The following LIN54 variants were observed in gnomAD, a reference collection of about 807,000 sequenced individuals.
LIN54 encodes lin-54 DREAM MuvB core complex component.
In LIN54, 9 loss-of-function variants were observed where a neutral mutation model predicts 78.7. The ratio of observed to expected loss-of-function variants is 0.11; its 90% confidence interval spans 0.07 to 0.20. LIN54 has a LOEUF of 0.20. Among genes scored for constraint, LIN54 ranks in the 10% least tolerant of loss-of-function variants. LIN54 has a pLI of 1.00. For synonymous variants in LIN54, 269 were observed against 318.4 expected, an observed-to-expected ratio of 0.84 and a Z score of 1.65; for missense variants, 573 against 889.9, an observed-to-expected ratio of 0.64 and a Z score of 4.53.
chr4:82,963,124 T>C (rs889086186), intron 4 of LIN54, among the ~76,000 whole-genome samples: 1 of 151,958 alleles, frequency 6.6e-6, no homozygotes, highest in African/African-American at 2.4e-5. Context: ...AGACATTATA[T>C]ACATAGAAAA....
chr4:82,972,349 T>C (rs1005038937), intron 3 of LIN54, among the ~76,000 whole-genome samples: 33 of 152,324 alleles, frequency 2.2e-4, no homozygotes, highest in Admixed American at 4.6e-4. Context: ...AATACAATTT[T>C]CAAAATTTCT....
At chr4:82,996,281 A>G (rs544742504) in intron 1 of LIN54, among the ~76,000 whole-genome samples, 16 of 152,212 alleles carry the variant, frequency 1.1e-4, no homozygotes, top group African/African-American at 3.8e-4. Flanking sequence ...AAGAAAAGAG[A>G]GGCTCTTCAT....
chr4:82,943,818 A>C (rs1008512331), intron 5 of LIN54, among the ~76,000 whole-genome samples: 4 of 151,948 alleles, frequency 2.6e-5, no homozygotes, highest in African/African-American at 9.7e-5. Flanking sequence ...GACAGGCAGA[A>C]AGACAGACAT....
At chr4:82,990,528 G>A (rs1249187329) in intron 1 of LIN54, among the ~76,000 whole-genome samples, 1 of 151,958 alleles carries the variant, frequency 6.6e-6, no homozygotes, top group Non-Finnish European at 1.5e-5. Context: ...CGGTCGCCCA[G>A]GTTGGAGTGC....
In LIN54 at chr4:82,999,777, C is replaced by CAAAAAAAA. The variant is rs1295987591; in HGVS notation, c.-33+10699_-33+10706dup. On this transcript the variant is annotated intron_variant, in intron 1 of 12. Coordinates refer to ENST00000340417, the MANE Select transcript of LIN54 (RefSeq NM_194282.4). Reference sequence around the variant, plus strand: ...TAGGTGACAGGGCGAGACTCTGTCTCAAAAAAAAAAAAAAAAAAGGCAAGA... The same window carrying CAAAAAAAA: ...TAGGTGACAGGGCGAGACTCTGTCTCAAAAAAAAAAAAAAAAAAAAAAAAAAGGCAAGA... Among the ~76,000 whole-genome samples the CAAAAAAAA allele has an allele frequency of 1.9e-3, 178 of 92,222 alleles. 3 individuals are homozygous for CAAAAAAAA. Among genetic ancestry groups the CAAAAAAAA allele is most frequent in the African/African-American group, 7.5e-3 (169 of 22,442 alleles). The allele number at this position is 92,222 out of a possible 152,430, so 60.5% of individuals were successfully genotyped here. A position where few individuals can be genotyped will look rare whatever the true frequency, so the allele number is the denominator to read the frequency against.
At chr4:83,003,883 G>A (rs149522124) in intron 1 of LIN54, among the ~76,000 whole-genome samples, 1 of 152,198 alleles carries the variant, frequency 6.6e-6, no homozygotes, top group Non-Finnish European at 1.5e-5. Context: ...TTTTTATAAA[G>A]TACATTCTGG....
At chr4:82,961,371 T>C (rs940964117) in intron 4 of LIN54, among the ~76,000 whole-genome samples, 3 of 152,080 alleles carry the variant, frequency 2.0e-5, no homozygotes, top group African/African-American at 7.2e-5. Context: ...ATCAGAGAAG[T>C]AAAAAATTTT....
At chr4:82,989,157 C>T (rs1727445959) in intron 1 of LIN54, among the ~76,000 whole-genome samples, 1 of 151,772 alleles carries the variant, frequency 6.6e-6, no homozygotes, top group African/African-American at 2.4e-5. Flanking sequence ...CACTGCACTC[C>T]AGCCTGGGCA....
intron 1 of LIN54, among the ~76,000 whole-genome samples, chr4:82,987,459 G>T (rs1314716982): frequency 1.3e-5 from 2 of 152,158 alleles, no homozygotes; most frequent in East Asian, 1.9e-4. Context: ...ATGCAGGTTT[G>T]TTACACAGGT....
intron 2 of LIN54, among the ~76,000 whole-genome samples, chr4:82,983,651 CCATAGTACAAA>C (rs1726879768): frequency 2.6e-5 from 4 of 152,086 alleles, no homozygotes; most frequent in Admixed American, 6.6e-5. Flanking sequence ...ACTGTCTTTT[CCATAGTACAAA>C]CATGAATAAT....
chr4:83,009,062 T>A (rs575248872), intron 1 of LIN54, among the ~76,000 whole-genome samples: 58 of 152,332 alleles, frequency 3.8e-4, no homozygotes, highest in African/African-American at 1.3e-3. Context: ...AAATTATTTT[T>A]AAAAAATAAT....
chr4:82,933,318 C>G (rs146100480), intron 11 of LIN54, among the ~76,000 whole-genome samples: 1 of 149,820 alleles, frequency 6.7e-6, no homozygotes, highest in Non-Finnish European at 1.5e-5. Flanking sequence ...AGTGTCTAAC[C>G]GGAGCTCAGA....
chr4:83,007,979 T>G (rs916867509), intron 1 of LIN54, among the ~76,000 whole-genome samples: 1 of 152,208 alleles, frequency 6.6e-6, no homozygotes, highest in African/African-American at 2.4e-5. Context: ...CTGTCATATA[T>G]CATGCAGATT....
rs570575217 is a variant in LIN54, at chr4:82,990,829, G to C, written c.-32-5953C>G. Among the ~76,000 whole-genome samples, 64 of 152,204 alleles carry C rather than the reference G, an allele frequency of 4.2e-4. 1 individual carries two copies. The highest frequency in any genetic ancestry group is 1.3e-3 in the African/African-American group (54 of 41,524). ...ACGGGCCAAAGCAAACCTGCTCTTT[G>C]CCCAGAGGGAGATATTATCTTTATT... On this transcript the variant is annotated intron_variant, in intron 1 of 12. Transcript: ENST00000340417.
chr4:82,970,882 AT>A (rs1725584550), intron 3 of LIN54, among the ~76,000 whole-genome samples: 1 of 152,224 alleles, frequency 6.6e-6, no homozygotes, highest in Admixed American at 6.5e-5. Flanking sequence ...TGAAGGTACA[AT>A]TGAAATCCAC....
At chr4:82,986,095 AC>A (rs1264198565) in intron 1 of LIN54, among the ~76,000 whole-genome samples, 1 of 152,112 alleles carries the variant, frequency 6.6e-6, no homozygotes, top group Non-Finnish European at 1.5e-5. Flanking sequence ...ATCCATAGGA[AC>A]CAAATCAGCA....
At chr4:83,000,331 A>G (rs911660048) in intron 1 of LIN54, among the ~76,000 whole-genome samples, 2 of 152,182 alleles carry the variant, frequency 1.3e-5, no homozygotes, top group Admixed American at 6.5e-5. Flanking sequence ...TGTTTTGTGC[A>G]AATGTAGTTG....
intron 1 of LIN54, among the ~76,000 whole-genome samples, chr4:83,003,010 T>C (rs544229266): frequency 1.3e-5 from 2 of 152,242 alleles, no homozygotes; most frequent in African/African-American, 4.8e-5. Flanking sequence ...CCACTTAGAT[T>C]TAAGCTTTTT....
chr4:82,947,364 G>A lies in LIN54; in HGVS notation c.952-890C>T, dbSNP rs956112121. On this transcript the variant is annotated intron_variant, in intron 4 of 12. Transcript: ENST00000340417. ...CCTCCTGCCTCAGCCTCCTGAGCAC[G>A]TAGGACCACAGGTACCACGCCCAGT... Among the ~76,000 whole-genome samples, 11 of 147,114 alleles carry A rather than the reference G, an allele frequency of 7.5e-5. No homozygotes were observed. In the East Asian group the frequency reaches 1.6e-3, roughly 21 times the overall value.
Sources: allele counts gnomAD v4.1 joint callset (sites outside exome capture counted in the v4.1 genomes callset), GRCh38; gene constraint gnomAD v4.1.1; transcripts MANE v1.5; gene names NCBI Gene and HGNC (gene_info 2026-07-23, HGNC 2026-07-21).